TIMP2: variants seen among roughly 807,000 people sequenced by gnomAD.
TIMP2 encodes metalloproteinase inhibitor 2.
A neutral mutation model predicts 24.3 loss-of-function variants in TIMP2; 5 were observed. The ratio of observed to expected loss-of-function variants is 0.21; its 90% CI spans 0.11 to 0.43. The LOEUF (loss-of-function observed/expected upper bound fraction) is 0.43. TIMP2 is among the 20% of genes least tolerant of loss of function. TIMP2 has a pLI of 1.00. For missense variants in TIMP2, 221 were observed against 297.5 expected (o/e 0.74, Z 1.89); for synonymous variants, 130 against 123.2 (o/e 1.06, Z -0.37).
chr17:78,878,936 G>A (rs1050114419), intron 1 of TIMP2, among the ~76,000 whole-genome samples: 1 of 152,208 alleles, frequency 6.6e-6, no homozygotes, highest in Non-Finnish European at 1.5e-5. Flanking sequence ...GAGAGGCAAA[G>A]AAGGACCAGT....
chr17:78,900,544 CA>C (rs35575848), intron 1 of TIMP2, among the ~76,000 whole-genome samples: 55,465 of 144,980 alleles, frequency 0.38, 10,878 homozygotes, highest in East Asian at 0.57. Context: ...GACTCCATTT[CA>C]AAAAAAAAAA....
At chr17:78,865,600 G>A (rs1227150725) in intron 3 of TIMP2, among the ~76,000 whole-genome samples, 2 of 147,642 alleles carry the variant, frequency 1.4e-5, no homozygotes, top group African/African-American at 5.0e-5. Context: ...CTCCAGCCTG[G>A]GCAACAAGAC....
intron 1 of TIMP2, among the ~76,000 whole-genome samples, chr17:78,884,200 CT>C (rs780843986): frequency 1.5e-4 from 23 of 152,164 alleles, no homozygotes; most frequent in Non-Finnish European, 2.9e-5. Flanking sequence ...ACCCGCCCCC[CT>C]ACAACAGATG....
At chr17:78,904,747 A>AGAT (rs1429723875) in intron 1 of TIMP2, 1 of 152,322 alleles carries the variant, frequency 6.6e-6, no homozygotes, top group Non-Finnish European at 1.5e-5. Context: ...CTGAGTAAGA[A>AGAT]GATCCCTCCT....
intron 1 of TIMP2, among the ~76,000 whole-genome samples, chr17:78,912,867 G>C (rs1192223420): frequency 1.3e-5 from 2 of 152,206 alleles, no homozygotes; most frequent in Non-Finnish European, 2.9e-5. Flanking sequence ...AAAGCCACGT[G>C]GGTTTGGCCT....
Position 78,891,144 on chromosome 17 carries a change from C to T in TIMP2, c.131-17225G>A, listed in dbSNP as rs1252664925. ...TCCTCTTTGTTGATAAATATACCTG[C>T]CTCGGGAGACAATGTTTGACTTCCA... is the stretch of plus-strand genomic sequence containing the variant. On this transcript the variant is annotated intron_variant, in intron 1 of 4. Coordinates refer to ENST00000262768, the MANE Select transcript of TIMP2 (RefSeq NM_003255.5). The surrounding 1 kb of genome is among the most constrained non-coding windows in gnomAD (Gnocchi z 4.5). The T allele has an allele frequency of 3.2e-6, 5 of 1,550,538 alleles. No homozygotes were observed. In the Admixed American group the frequency reaches 9.8e-5, roughly 30 times the overall value.
Position 78,854,348 on chromosome 17 carries a change from A to C in TIMP2, c.*1319T>G, listed in dbSNP as rs1220961757. 1 of 151,968 alleles carries C rather than the reference A, an allele frequency of 6.6e-6. No individual in the cohort carries two copies. Among genetic ancestry groups the C allele is most frequent in the East Asian group, 1.9e-4 (1 of 5,148 alleles). The allele number at this position is 151,968 out of a possible 1,614,324, so 9.4% of individuals were successfully genotyped here. On this transcript the variant is annotated 3_prime_UTR_variant, in exon 5 of 5. Coordinates refer to ENST00000262768, the MANE Select transcript of TIMP2 (RefSeq NM_003255.5). ...CTTCAGGAAACCACACTGAGGGAACACATAGGTTCCCTAGTTCCCTAGGAA... is the reference window on the plus strand; with the variant it reads ...CTTCAGGAAACCACACTGAGGGAACCCATAGGTTCCCTAGTTCCCTAGGAA...
rs751565016 is a variant in TIMP2 at position 78,855,442 on chromosome 17, T to C, written c.*225A>G. On this transcript the variant is annotated 3_prime_UTR_variant, in exon 5 of 5. Coordinates refer to ENST00000262768, the MANE Select transcript of TIMP2 (RefSeq NM_003255.5). This position sits in a 1 kb window ranked among gnomAD's most constrained non-coding sequence, Gnocchi z 6.0. ...CCCAAGGATCGAAGCCCCAGACACATAGTGCCTGGCAGAGGGAGGATGGGA... is the reference window on the plus strand; with the variant it reads ...CCCAAGGATCGAAGCCCCAGACACACAGTGCCTGGCAGAGGGAGGATGGGA... 1.0e-5 allele frequency: 6 copies of C among 583,632 alleles called. No individual in the cohort carries two copies. The highest frequency in any genetic ancestry group is 1.8e-5 in the Non-Finnish European group (6 of 330,688). The allele number at this position is 583,632 out of a possible 1,614,324, so 36.2% of individuals were successfully genotyped here. A position where few individuals can be genotyped will look rare whatever the true frequency, so the allele number is the denominator to read the frequency against.
intron 1 of TIMP2, among the ~76,000 whole-genome samples, chr17:78,886,495 C>T (rs145132375): frequency 2.0e-4 from 31 of 152,230 alleles, no homozygotes; most frequent in East Asian, 1.4e-3. Flanking sequence ...TCCAGGTCTC[C>T]GTGTGCAAAA....
chr17:78,893,874 C>T (rs890176260), intron 1 of TIMP2, among the ~76,000 whole-genome samples: 7 of 152,084 alleles, frequency 4.6e-5, no homozygotes, highest in African/African-American at 1.2e-4. Flanking sequence ...CAAAACAGTA[C>T]GGGATTGTGT....
intron 1 of TIMP2, among the ~76,000 whole-genome samples, chr17:78,907,616 A>G (rs528288925): frequency 6.6e-6 from 1 of 152,346 alleles, no homozygotes; most frequent in East Asian, 1.9e-4. Context: ...GAATTATTAA[A>G]ATGGGACACA....
At chr17:78,875,346 C>G (rs1268868148) in intron 1 of TIMP2, among the ~76,000 whole-genome samples, 1 of 152,138 alleles carries the variant, frequency 6.6e-6, no homozygotes, top group Admixed American at 6.5e-5. Flanking sequence ...CCCAACCAAA[C>G]AGAAAGGAGT....
chr17:78,891,915 T>A lies in TIMP2; in HGVS notation c.131-17996A>T. 1 of 1,550,622 alleles carries A rather than the reference T, an allele frequency of 6.4e-7. No individual in the cohort carries two copies. The highest frequency in any genetic ancestry group is 8.7e-7 in the Non-Finnish European group (1 of 1,147,012). ...TGTGGTTTCTCTGGACTCGCTGCTG[T>A]CTTCCGGGGCCTGGAGTGCCTGGGG... On this transcript the variant is annotated intron_variant, in intron 1 of 4. Coordinates refer to ENST00000262768, the MANE Select transcript of TIMP2 (RefSeq NM_003255.5). This position sits in a 1 kb window ranked among gnomAD's most constrained non-coding sequence, Gnocchi z 4.5.
chr17:78,923,396 T>TGGGGGGGGGGGGGGGGGGGGGGGGGGG (rs1255104339), intron 1 of TIMP2, among the ~76,000 whole-genome samples: 1 of 47,700 alleles, frequency 2.1e-5, no homozygotes, highest in Non-Finnish European at 3.9e-5. Flanking sequence ...TGGGGCGGGG[T>TGGGGGGGGGGGGGGGGGGGGGGGGGGG]GGGGGGGGGG....
In TIMP2 at chr17:78,855,916, G is replaced by C; in HGVS notation, c.466-52C>G. On this transcript the variant is annotated intron_variant, in intron 4 of 4. Transcript: ENST00000262768. The surrounding 1 kb of genome is among the most constrained non-coding windows in gnomAD (Gnocchi z 6.0). ...GGAGTCAGGGACCCAGGAAGGGGTG[G>C]GCAGAGGCTGCTCTGGGGGCATGTC... 6.3e-7 allele frequency: 1 copy of C among 1,584,200 alleles called. No homozygotes were observed. The highest frequency in any genetic ancestry group is 8.7e-7 in the Non-Finnish European group (1 of 1,154,628).
In TIMP2 at chr17:78,896,841, C is replaced by A; in HGVS notation, c.131-22922G>T. 1 of 821,106 alleles carries A rather than the reference C, an allele frequency of 1.2e-6. No individual in the cohort carries two copies. The highest frequency in any genetic ancestry group is 1.5e-6 in the Non-Finnish European group (1 of 679,846). The allele number at this position is 821,106 out of a possible 1,614,324, so 50.9% of individuals were successfully genotyped here. A position where few individuals can be genotyped will look rare whatever the true frequency, so the allele number is the denominator to read the frequency against. On this transcript the variant is annotated intron_variant, in intron 1 of 4. Transcript: ENST00000262768. The surrounding 1 kb of genome is among the most constrained non-coding windows in gnomAD (Gnocchi z 4.4). ...GCTCTCTACAGCCCCGTGGCCCCAG[C>A]GCAGGAGCCAGCCCATGGCAGCTCC... is the stretch of plus-strand genomic sequence containing the variant.
At chr17:78,893,370 T>C (rs1454295317) in intron 1 of TIMP2, among the ~76,000 whole-genome samples, 1 of 128,888 alleles carries the variant, frequency 7.8e-6, no homozygotes, top group Non-Finnish European at 1.6e-5. Flanking sequence ...CAGGGGTGTG[T>C]AGGAGTGTGT....
rs2069505170 is a variant in TIMP2 at position 78,854,071 on chromosome 17, A to C, written c.*1596T>G. 1 of 152,256 alleles carries C rather than the reference A, an allele frequency of 6.6e-6. No homozygotes were observed. The highest frequency in any genetic ancestry group is 2.1e-4 in the South Asian group (1 of 4,828). The allele number at this position is 152,256 out of a possible 1,614,324, so 9.4% of individuals were successfully genotyped here. A position where few individuals can be genotyped will look rare whatever the true frequency, so the allele number is the denominator to read the frequency against. ...AGGTCCCGGTGGGCATGGGGGCTGC[A>C]TGCCACTTGGGGGTCAGGAGTCTTA... On this transcript the variant is annotated 3_prime_UTR_variant, in exon 5 of 5. Coordinates refer to ENST00000262768, the MANE Select transcript of TIMP2 (RefSeq NM_003255.5).
chr17:78,853,234 T>C lies in TIMP2; in HGVS notation c.*2433A>G, dbSNP rs2069498191. On this transcript the variant is annotated 3_prime_UTR_variant, in exon 5 of 5. Coordinates refer to ENST00000262768, the MANE Select transcript of TIMP2 (RefSeq NM_003255.5). ...TTTCTTAATACTTATCAAGCAAAGA[T>C]TTGAAAATAACTACAATGTAAACTT... is the stretch of plus-strand genomic sequence containing the variant. 6.6e-6 allele frequency: 1 copy of C among 152,624 alleles called. No individual in the cohort carries two copies. Among genetic ancestry groups the C allele is most frequent in the Admixed American group, 6.5e-5 (1 of 15,276 alleles). 9.5% of individuals were successfully genotyped at this position (152,624 alleles called of 1,614,324 possible). A position where few individuals can be genotyped will look rare whatever the true frequency, so the allele number is the denominator to read the frequency against.
Sources: allele counts gnomAD v4.1 joint callset (sites outside exome capture counted in the v4.1 genomes callset), GRCh38; gene constraint gnomAD v4.1.1; non-coding constraint Gnocchi (gnomAD v3.1); transcripts MANE v1.5; gene names NCBI Gene and HGNC (gene_info 2026-07-23, HGNC 2026-07-21).